Variants in ATP2B1 observed in about 807,000 individuals in gnomAD.
The protein encoded by ATP2B1 is ATPase plasma membrane Ca2+ transporting 1.
In ATP2B1, 14 loss-of-function variants were observed where a neutral mutation model predicts 124.2. The ratio of observed to expected loss-of-function variants is 0.11; its 90% confidence interval spans 0.07 to 0.18. The LOEUF (loss-of-function observed/expected upper bound fraction) is 0.18, where lower values mean the gene tolerates loss of function less well. Among genes scored for constraint, ATP2B1 ranks in the 10% least tolerant of loss-of-function variants. The pLI is 1.00. For synonymous variants in ATP2B1, 449 were observed against 492.4 expected (o/e 0.91, Z 1.17); for missense variants, 763 against 1,466.1 (o/e 0.52, Z 7.83).
chr12:89,652,780 C>G (rs150063713), intron 2 of ATP2B1, among the ~76,000 whole-genome samples: 1 of 152,294 alleles, frequency 6.6e-6, no homozygotes, highest in African/African-American at 2.4e-5. Context: ...CTCTGTTACC[C>G]AGGCTGAGGT....
At chr12:89,637,167 C>A (rs1300449575) in intron 3 of ATP2B1, among the ~76,000 whole-genome samples, 2 of 152,114 alleles carry the variant, frequency 1.3e-5, no homozygotes, top group African/African-American at 4.8e-5. Flanking sequence ...CATATAAAAA[C>A]AACAGATTGA....
chr12:89,618,724 C>T (rs1216166066), intron 11 of ATP2B1, among the ~76,000 whole-genome samples: 1 of 152,190 alleles, frequency 6.6e-6, no homozygotes, highest in Non-Finnish European at 1.5e-5. Context: ...GTTCTCATTT[C>T]ATACCAAAAT....
In ATP2B1 at chr12:89,620,057, T is replaced by A; in HGVS notation, c.1771A>T (p.Asn591Tyr). 6.2e-7 allele frequency: 1 copy of A among 1,614,088 alleles called. No homozygotes were observed. Among genetic ancestry groups the A allele is most frequent in the Non-Finnish European group, 8.5e-7 (1 of 1,179,984 alleles). ...VRKSMSTVLK[N>Y]SDGSYRIFSK... Reference sequence around the variant, plus strand: ...AATATTCGATAACTTCCATCTGAATTTTTCAGGACAGTACTCATGGACTTC... The same window carrying A: ...AATATTCGATAACTTCCATCTGAATATTTCAGGACAGTACTCATGGACTTC... Residue 591 changes from asparagine (N) to tyrosine (Y), a missense_variant, in exon 11 of 21, where the codon AAT becomes TAT. Asn to Tyr is a moderately radical substitution (Grantham distance 143). Around this residue, in one of 7 missense-constraint regions of ATP2B1, gnomAD observed 392 missense variants for 776.6 expected, o/e 0.50. Coordinates refer to ENST00000428670, the MANE Select transcript of ATP2B1 (RefSeq NM_001366521.1).
intron 20 of ATP2B1, 106 bp from the exon 21 acceptor site, chr12:89,591,401 T>C (rs1016041740): frequency 1.0e-6 from 1 of 965,906 alleles, no homozygotes; most frequent in Non-Finnish European, 1.5e-6. Flanking sequence ...GAGTGAATCA[T>C]ATTTGCATGT....
At chr12:89,632,822 A>C (rs1003076474) in intron 5 of ATP2B1, among the ~76,000 whole-genome samples, 1 of 152,176 alleles carries the variant, frequency 6.6e-6, no homozygotes, top group African/African-American at 2.4e-5. Context: ...GTCTTTTCTT[A>C]AATGTGGAAA....
intron 12 of ATP2B1, among the ~76,000 whole-genome samples, 188 bp downstream of exon 12, chr12:89,616,614 T>C (rs1307927895): frequency 6.6e-6 from 1 of 152,120 alleles, no homozygotes; most frequent in African/African-American, 2.4e-5. Context: ...AAAGAGACAC[T>C]GTCTTTAAAA....
intron 12 of ATP2B1, chr12:89,612,221 G>A (rs1278516541): frequency 1.3e-5 from 2 of 151,766 alleles, no homozygotes; most frequent in Non-Finnish European, 2.9e-5. Flanking sequence ...TAAAATATAC[G>A]ATGATTCCTC....
chr12:89,595,729 A>T (rs1476629339), intron 20 of ATP2B1, among the ~76,000 whole-genome samples: 1 of 152,108 alleles, frequency 6.6e-6, no homozygotes, highest in Non-Finnish European at 1.5e-5. Context: ...TCCACCAACA[A>T]GGTTGAAAGA....
chr12:89,660,352 T>C (rs556058748), intron 1 of ATP2B1, among the ~76,000 whole-genome samples: 40 of 152,324 alleles, frequency 2.6e-4, no homozygotes, highest in East Asian at 9.6e-4. Context: ...ATTTAATTGG[T>C]ATAGAAGTAT....
In ATP2B1 at chr12:89,624,346, A is replaced by G. The variant is rs769780910; in HGVS notation, c.1181T>C (p.Ile394Thr). The change falls in exon 9 of 21, where the codon ATT becomes ACT. Residue 394 changes from isoleucine to threonine, a missense_variant. Ile to Thr is a moderately conservative substitution (Grantham distance 89). Transcript: ENST00000428670. ...TCTTTTCTGAACCCAGAAGGTGTCAATGACAAAATATAATACTAGAATGAT... is the reference window on the plus strand; with the variant it reads ...TCTTTTCTGAACCCAGAAGGTGTCAGTGACAAAATATAATACTAGAATGAT... The part of the protein sequence containing the change: ...TVIILVLYFV[I>T]DTFWVQKRPW... The G allele has an allele frequency of 4.3e-6, 7 of 1,614,156 alleles. No homozygotes were observed. The highest frequency in any genetic ancestry group is 8.5e-7 in the Non-Finnish European group (1 of 1,180,004).
intron 1 of ATP2B1, among the ~76,000 whole-genome samples, chr12:89,667,674 GGAGA>G (rs1887474649): frequency 6.6e-6 from 1 of 152,088 alleles, no homozygotes. Context: ...TCTAAATGAG[GGAGA>G]AAGACAAGCA....
At chr12:89,637,617 T>C (rs902220093) in intron 3 of ATP2B1, among the ~76,000 whole-genome samples, 1 of 152,108 alleles carries the variant, frequency 6.6e-6, no homozygotes, top group Non-Finnish European at 1.5e-5. Context: ...CAGATTGGCC[T>C]CGAACTCCTG....
At position 89,604,169 on chromosome 12, in the gene ATP2B1, C is replaced by T. The variant is rs570457928; in HGVS notation, c.2620G>A (p.Ala874Thr). ...TCATCACCTACTTGAGTAATGCAGG[C>T]GCCCGTAAAAGCAACAATCACTGCT... ...VVAVIVAFTG[A>T]CITQDSPLKA... is the part of the protein sequence containing the mutation. The change falls in exon 16 of 21, where the codon GCC becomes ACC. Residue 874 changes from alanine (A) to threonine (T), a missense_variant. Ala to Thr is a moderately conservative substitution (Grantham distance 58, BLOSUM62 0). Around this residue, in one of 7 missense-constraint regions of ATP2B1, gnomAD observed 51 missense variants for 192.8 expected, o/e 0.26. Coordinates refer to ENST00000428670, the MANE Select transcript of ATP2B1 (RefSeq NM_001366521.1). 1 of 1,613,452 alleles carries T rather than the reference C, an allele frequency of 6.2e-7. No homozygotes were observed.
chr12:89,604,136 T>C lies in ATP2B1; in HGVS notation c.2634+19A>G. The C allele has an allele frequency of 1.9e-6, 3 of 1,604,968 alleles. No individual in the cohort carries two copies. Among genetic ancestry groups the C allele is most frequent in the South Asian group, 1.1e-5 (1 of 88,874 alleles). On this transcript the variant is annotated intron_variant, in intron 16 of 20. Transcript: ENST00000428670. Reference sequence around the variant, plus strand: ...TAAATTTAAAGTAAACAAGTTTTGATAGACAAGTCATCACCTACTTGAGTA... The same window carrying C: ...TAAATTTAAAGTAAACAAGTTTTGACAGACAAGTCATCACCTACTTGAGTA...
rs547943755 is a variant in ATP2B1, at chr12:89,625,724, C to T, written c.1129+730G>A. ...AAATCCACCTTTTCCCCCAACACTA[C>T]ATGAGTCAGCATTACCACTTGGCTA... is the stretch of plus-strand genomic sequence containing the variant. On this transcript the variant is annotated intron_variant, in intron 8 of 20. Transcript: ENST00000428670. Among the ~76,000 whole-genome samples the T allele has an allele frequency of 2.0e-5, 3 of 152,016 alleles. No homozygotes were observed. In the South Asian group the frequency reaches 6.2e-4, roughly 31 times the overall value.
intron 1 of ATP2B1, among the ~76,000 whole-genome samples, chr12:89,671,885 G>C (rs1359726424): frequency 2.6e-5 from 4 of 151,336 alleles, no homozygotes; most frequent in African/African-American, 7.3e-5. Flanking sequence ...GAAATACTAG[G>C]CTACAGGGTC....
intron 20 of ATP2B1, among the ~76,000 whole-genome samples, chr12:89,596,184 G>GA (rs1302531107): frequency 2.5e-4 from 38 of 151,716 alleles, no homozygotes; most frequent in East Asian, 7.7e-4. Context: ...CCCTCTAAAT[G>GA]AAAAAAACAA....
At chr12:89,683,289 C>T (rs1889578873) in intron 1 of ATP2B1, among the ~76,000 whole-genome samples, 1 of 152,212 alleles carries the variant, frequency 6.6e-6, no homozygotes, top group Admixed American at 6.5e-5. Flanking sequence ...AGGTTGTAGT[C>T]TATGTCCCTA....
chr12:89,593,107 A>G (rs191109733), intron 20 of ATP2B1, among the ~76,000 whole-genome samples: 114 of 152,128 alleles, frequency 7.5e-4, no homozygotes, highest in African/African-American at 2.5e-3. Flanking sequence ...CCCCTTTACT[A>G]AGATGTAAAG....
Sources: allele counts gnomAD v4.1 joint callset (sites outside exome capture counted in the v4.1 genomes callset), GRCh38; gene constraint gnomAD v4.1.1; regional missense constraint gnomAD v4.1.1; transcripts MANE v1.5; gene names NCBI Gene and HGNC (gene_info 2026-07-23, HGNC 2026-07-21).